Variants in WDFY3 observed in about 807,000 individuals in gnomAD.
WDFY3 encodes WD repeat and FYVE domain containing 3, also known as WD repeat and FYVE domain-containing protein 3.
A neutral mutation model predicts 409.6 loss-of-function variants in WDFY3; 66 were observed. That is an observed-to-expected ratio of 0.16 (90% CI 0.13 to 0.20). The LOEUF (loss-of-function observed/expected upper bound fraction) is 0.20, where lower values mean the gene tolerates loss of function less well. Ranked by LOEUF, WDFY3 falls within the 10% of genes least tolerant of loss-of-function variation. The pLI is 1.00. For missense variants in WDFY3, 3,031 were observed against 4,298.1 expected (o/e 0.71, Z 8.24); for synonymous variants, 1,521 against 1,537.1 (o/e 0.99, Z 0.25).
intron 65 of WDFY3, 134 bp downstream of exon 65, chr4:84,678,768 CTTCTGTGTAAAGAGGCA>C: frequency 3.8e-6 from 3 of 794,632 alleles, no homozygotes; most frequent in Admixed American, 2.8e-5. Flanking sequence ...CTGAAGAGGC[CTTCTGTGTAAAGAGGCA>C]TTCTGTGTGA....
rs868032112 is a variant in WDFY3 at position 84,774,914 on chromosome 4, G to A, written c.4660C>T (p.Arg1554Ter). The A allele has an allele frequency of 6.2e-7, 1 of 1,613,946 alleles. No homozygotes were observed. Among genetic ancestry groups the A allele is most frequent in the Non-Finnish European group, 8.5e-7 (1 of 1,179,902 alleles). The change falls in exon 29 of 68, where the codon CGA becomes TGA. Residue 1554 changes from arginine to a stop codon, truncating the protein, a stop_gained. Coordinates refer to ENST00000295888, the MANE Select transcript of WDFY3 (RefSeq NM_014991.6). LOFTEE classifies it high-confidence loss of function. ...QLIPKLLLTL[R>*]DMSLSQPTIA... ...GTAGGCTGGGATAAAGACATATCTC[G>A]AAGAGTCAGGAGCAGCTTTGGGATT...
intron 10 of WDFY3, among the ~76,000 whole-genome samples, chr4:84,825,855 G>A (rs1754789455): frequency 1.3e-5 from 2 of 152,166 alleles, no homozygotes; most frequent in East Asian, 3.9e-4. Context: ...ACAGTCATGT[G>A]AATAAAAACT....
chr4:84,744,214 T>A (rs978397918), intron 36 of WDFY3, among the ~76,000 whole-genome samples: 4 of 150,832 alleles, frequency 2.7e-5, no homozygotes, highest in Admixed American at 1.3e-4. Flanking sequence ...TTATCACACC[T>A]CACTTCCAAA....
intron 32 of WDFY3, 29 bp downstream of exon 32, chr4:84,765,781 T>G (rs1238055707): frequency 6.3e-7 from 1 of 1,595,236 alleles, no homozygotes; most frequent in Non-Finnish European, 8.6e-7. Context: ...CAGCTCATTT[T>G]CAAGCAGCTG....
At position 84,803,333 on chromosome 4, in the gene WDFY3, A is replaced by G; in HGVS notation, c.2564T>C (p.Met855Thr). ...CCCAACAGAGGCCAGTAGGTCCAGC[A>G]TGGCAAGCATGGCTCCAGGATGAAT... ...VIIHPGAMLA[M>T]LDLLASVGSV... is the part of the protein sequence containing the mutation. The change falls in exon 16 of 68, where the codon ATG (methionine) becomes ACG (threonine). Residue 855 changes from methionine (M) to threonine (T), a missense_variant. This residue lies in a region of WDFY3 where 1,322 missense variants were observed against 1,697.9 expected (regional missense o/e 0.78). Transcript: ENST00000295888. 6.2e-7 allele frequency: 1 copy of G among 1,613,964 alleles called. No individual in the cohort carries two copies. Among genetic ancestry groups the G allele is most frequent in the Non-Finnish European group, 8.5e-7 (1 of 1,179,950 alleles).
intron 2 of WDFY3, among the ~76,000 whole-genome samples, chr4:84,909,752 G>A (rs1254347855): frequency 6.6e-6 from 1 of 151,768 alleles, no homozygotes; most frequent in African/African-American, 2.4e-5. Context: ...GTGACTTATT[G>A]GTCTTTTCAT....
intron 39 of WDFY3, 195 bp from the exon 40 acceptor site, chr4:84,739,314 A>T (rs1357176776): frequency 3.6e-6 from 2 of 559,022 alleles, no homozygotes; most frequent in African/African-American, 3.8e-5. Context: ...ACTAAATGTA[A>T]TTAGACTGAT....
At chr4:84,715,275 A>C in intron 50 of WDFY3, 23 bp downstream of exon 50, 4 of 1,448,850 alleles carry the variant, frequency 2.8e-6, no homozygotes, top group Non-Finnish European at 3.9e-6. Context: ...AATAGTATAC[A>C]AAGTGTTCCG....
intron 43 of WDFY3, among the ~76,000 whole-genome samples, chr4:84,734,188 C>G (rs780733628): frequency 6.6e-6 from 1 of 152,126 alleles, no homozygotes; most frequent in Non-Finnish European, 1.5e-5. Context: ...TGGGATAGAT[C>G]CAAACCATTT....
rs181668322 is a variant in WDFY3 at position 84,822,299 on chromosome 4, T to C, written c.1124-748A>G. ...CCCAGAACAATACCTATTAGGAGTA[T>C]ATGGCATTTCCAAGTATGACCAAAA... On this transcript the variant is annotated intron_variant, in intron 10 of 67. Transcript: ENST00000295888. Among the ~76,000 whole-genome samples, 41 of 152,252 alleles carry C rather than the reference T, an allele frequency of 2.7e-4. No homozygotes were observed. In the East Asian group the frequency reaches 6.9e-3, roughly 26 times the overall value.
chr4:84,917,127 A>G (rs1768606770), intron 2 of WDFY3, among the ~76,000 whole-genome samples: 1 of 152,192 alleles, frequency 6.6e-6, no homozygotes, highest in Non-Finnish European at 1.5e-5. Context: ...TAAAGCATCA[A>G]TCGGCGCCAA....
In WDFY3 at chr4:84,671,293, G is replaced by C. The variant is rs1725408037; in HGVS notation, c.*1575C>G. The C allele has an allele frequency of 6.6e-6, 1 of 152,542 alleles. No homozygotes were observed. Among genetic ancestry groups the C allele is most frequent in the African/African-American group, 2.4e-5 (1 of 41,422 alleles). 9.4% of individuals were successfully genotyped at this position (152,542 alleles called of 1,614,324 possible). On this transcript the variant is annotated 3_prime_UTR_variant, in exon 68 of 68. Coordinates refer to ENST00000295888, the MANE Select transcript of WDFY3 (RefSeq NM_014991.6). ...AAGATGGAAAATTGGAAAAGCCAAA[G>C]CCGCTGTCCTTTGCATGATGCCTCT... is the stretch of plus-strand genomic sequence containing the variant.
intron 53 of WDFY3, among the ~76,000 whole-genome samples, chr4:84,707,541 G>A (rs1393771266): frequency 2.6e-5 from 4 of 152,104 alleles, no homozygotes; most frequent in Non-Finnish European, 4.4e-5. Flanking sequence ...GAATTGCATC[G>A]GGAGAATGTG....
chr4:84,799,921 T>C (rs1750198368), intron 17 of WDFY3, among the ~76,000 whole-genome samples: 2 of 152,246 alleles, frequency 1.3e-5, no homozygotes, highest in African/African-American at 4.8e-5. Context: ...TTATTCTATT[T>C]ATCTAACTAT....
At chr4:84,924,574 G>A (rs746625787) in intron 2 of WDFY3, among the ~76,000 whole-genome samples, 7 of 152,086 alleles carry the variant, frequency 4.6e-5, no homozygotes, top group Non-Finnish European at 8.8e-5. Flanking sequence ...ACAGAACATT[G>A]AGAATAAGAG....
intron 3 of WDFY3, among the ~76,000 whole-genome samples, chr4:84,888,051 T>C (rs780480958): frequency 2.6e-5 from 4 of 152,208 alleles, no homozygotes; most frequent in Non-Finnish European, 5.9e-5. Context: ...TTAGCATCTC[T>C]AGATACATCT....
rs1244698130 is a variant in WDFY3 at position 84,690,913 on chromosome 4, G to A, written c.9205-249C>T. Among the ~76,000 whole-genome samples, 3 of 152,124 alleles carry A rather than the reference G, an allele frequency of 2.0e-5. No homozygotes were observed. The East Asian group carries it at 5.8e-4, about 29-fold the overall frequency. Reference sequence around the variant, plus strand: ...ACTTTGCTCATAATGGGGGTCTCTGGTTTCTCCAGATTGGGAAAGTGATGC... The same window carrying A: ...ACTTTGCTCATAATGGGGGTCTCTGATTTCTCCAGATTGGGAAAGTGATGC... On this transcript the variant is annotated intron_variant, in intron 60 of 67. Coordinates refer to ENST00000295888, the MANE Select transcript of WDFY3 (RefSeq NM_014991.6).
intron 47 of WDFY3, 99 bp from the exon 48 acceptor site, chr4:84,718,669 C>T: frequency 2.2e-6 from 3 of 1,385,276 alleles, no homozygotes; most frequent in Non-Finnish European, 2.9e-6. Context: ...CATATTAAAT[C>T]AGAGTTTAAG....
chr4:84,864,407 G>C (rs1761095177), intron 3 of WDFY3, among the ~76,000 whole-genome samples: 1 of 150,838 alleles, frequency 6.6e-6, no homozygotes, highest in South Asian at 2.1e-4. Flanking sequence ...AATGCTACTG[G>C]AATTTTTGAT....
Sources: gnomAD v4.1 joint callset for allele counts (sites outside exome capture counted in the v4.1 genomes callset) on GRCh38, gnomAD v4.1.1 for gene constraint, gnomAD v4.1.1 regional missense constraint, MANE v1.5 for transcripts, NCBI Gene and HGNC (gene_info 2026-07-23, HGNC 2026-07-21) for gene names.